Variants in ZBED6 observed in about 807,000 individuals in gnomAD.
ZBED6 encodes zinc finger BED-type containing 6.
ZBED6 carries 40 observed loss-of-function variants against 58.4 expected under a neutral mutation model. The ratio of observed to expected loss-of-function variants is 0.68; its 90% CI spans 0.53 to 0.89. The LOEUF (loss-of-function observed/expected upper bound fraction) is 0.89. ZBED6 is among the 40% of genes least tolerant of loss of function. The pLI, the probability that ZBED6 is intolerant of heterozygous loss-of-function variation, is 0.00. For missense variants in ZBED6, 1,057 were observed against 1,003.9 expected, an observed-to-expected ratio of 1.05 and a Z score of -0.71; for synonymous variants, 439 against 350.6, an observed-to-expected ratio of 1.25 and a Z score of -2.82.
At chr1:203,833,805 G>A in exon 9 of ZBED6, 1 of 1,608,062 alleles carries the variant, frequency 6.2e-7, no homozygotes. Flanking sequence ...AGAACCCTTG[G>A]TTAGATTGAG....
At chr1:203,841,306 T>C (rs1440006673) in intron 11 of ZBED6, among the ~76,000 whole-genome samples, 1 of 152,140 alleles carries the variant, frequency 6.6e-6, no homozygotes, top group Non-Finnish European at 1.5e-5. Flanking sequence ...CCTGCGGCCT[T>C]CTGCAGTGTT....
At chr1:203,819,638 G>A (rs576810596) in intron 3 of ZBED6, among the ~76,000 whole-genome samples, 2 of 148,340 alleles carry the variant, frequency 1.3e-5, no homozygotes, top group African/African-American at 2.5e-5. Context: ...TAGTTCAAGC[G>A]GTTCTCCTGC....
chr1:203,829,352 A>T, intron 4 of ZBED6, 99 bp from the exon 5 acceptor site: 1 of 1,212,422 alleles, frequency 8.2e-7, no homozygotes, highest in Middle Eastern at 1.9e-4. Context: ...AAATGCTCAT[A>T]AGACAAATAC....
intron 8 of ZBED6, among the ~76,000 whole-genome samples, chr1:203,833,385 C>CAAAAAA (rs1558128102): frequency 9.0e-5 from 11 of 122,102 alleles, no homozygotes; most frequent in African/African-American, 1.5e-4. Flanking sequence ...AAAAAAAAAA[C>CAAAAAA]ACCAGGTGTG....
At chr1:203,804,308 C>T (rs962039455) in intron 1 of ZBED6, among the ~76,000 whole-genome samples, 4 of 151,946 alleles carry the variant, frequency 2.6e-5, no homozygotes, top group Non-Finnish European at 4.4e-5. Context: ...CCCGCCACCT[C>T]GCCTGGCTAA....
intron 11 of ZBED6, among the ~76,000 whole-genome samples, chr1:203,846,170 G>T (rs1270708883): frequency 4.2e-5 from 6 of 141,296 alleles, no homozygotes; most frequent in African/African-American, 5.1e-5. Context: ...TGGGGGGGGG[G>T]TTCATTAAAA....
rs184682830 is a variant in ZBED6, at chr1:203,821,978, C to T, written c.*2873+3289C>T. ...TTCACCGTGTTAGCCAGGATGGTCT[C>T]GATCTGCTGACCTCGTGATCCGCCC... is the stretch of plus-strand genomic sequence containing the variant. On this transcript the variant is annotated intron_variant, in intron 3 of 16. Coordinates refer to ENST00000550078, the Ensembl canonical transcript of ZBED6. 3.3e-5 allele frequency among the ~76,000 whole-genome samples: 5 copies of T among 152,180 alleles called. No homozygotes were observed. In the East Asian group the frequency reaches 5.8e-4, roughly 18 times the overall value.
intron 11 of ZBED6, among the ~76,000 whole-genome samples, chr1:203,842,400 C>G (rs1455971318): frequency 6.6e-6 from 1 of 152,188 alleles, no homozygotes; most frequent in Non-Finnish European, 1.5e-5. Flanking sequence ...AGCTGGAGAC[C>G]AGCCCGGCCA....
At chr1:203,815,320 T>C (rs761537140) in intron 1 of ZBED6, among the ~76,000 whole-genome samples, 5 of 144,838 alleles carry the variant, frequency 3.5e-5, no homozygotes, top group Admixed American at 7.3e-5. Context: ...GTTCAAGTGA[T>C]TCTTGTGCCT....
intron 1 of ZBED6, among the ~76,000 whole-genome samples, chr1:203,812,578 A>ATTTTTTTTTTT (rs386369376): frequency 9.1e-6 from 1 of 109,316 alleles, no homozygotes; most frequent in African/African-American, 3.7e-5. Context: ...GCCATTCTAA[A>ATTTTTTTTTTT]TTTTTTTTTT....
chr1:203,828,254 G>A (rs986772254), intron 3 of ZBED6, 45 bp from the exon 4 acceptor site: 11 of 1,610,930 alleles, frequency 6.8e-6, no homozygotes, highest in South Asian at 3.3e-5. Flanking sequence ...ATGAATATAC[G>A]TATCACTGTT....
chr1:203,818,725 C>A (rs376658488), intron 3 of ZBED6, 36 bp downstream of exon 3: 1 of 1,613,038 alleles, frequency 6.2e-7, no homozygotes, highest in African/African-American at 1.3e-5. Flanking sequence ...AATAAGTAGT[C>A]TGGAGACCTG....
intron 14 of ZBED6, 35 bp from the exon 15 acceptor site, chr1:203,850,480 C>T: frequency 6.2e-7 from 1 of 1,612,676 alleles, no homozygotes; most frequent in African/African-American, 1.3e-5. Flanking sequence ...AGAGTCTATT[C>T]TCACTGCTTA....
chr1:203,814,862 ACT>A (rs1457160421), intron 1 of ZBED6: 1 of 152,024 alleles, frequency 6.6e-6, no homozygotes, highest in East Asian at 1.9e-4. Context: ...ATAGAGTCTC[ACT>A]CTGTTGTCCA....
chr1:203,805,832 C>T (rs1164099783), intron 1 of ZBED6: 6 of 901,732 alleles, frequency 6.7e-6, no homozygotes, highest in Admixed American at 5.3e-5. Flanking sequence ...CGACTCAGTG[C>T]TTCTTGGATT....
chr1:203,826,293 C>G (rs1224188292), intron 3 of ZBED6, among the ~76,000 whole-genome samples: 1 of 150,836 alleles, frequency 6.6e-6, no homozygotes, highest in Non-Finnish European at 1.5e-5. Flanking sequence ...GGTAGTGTGC[C>G]CACAGTAGCC....
intron 15 of ZBED6, 34 bp from the exon 16 acceptor site, chr1:203,851,023 C>A (rs778528722): frequency 1.2e-6 from 2 of 1,609,172 alleles, no homozygotes; most frequent in Non-Finnish European, 1.7e-6. Flanking sequence ...AAAAGCCTGA[C>A]TCTCACTGAA....
chr1:203,839,864 C>T lies in ZBED6; in HGVS notation c.*3673-442C>T, dbSNP rs115572274. Among the ~76,000 whole-genome samples the T allele has an allele frequency of 8.1e-4, 124 of 152,156 alleles. 1 individual carries two copies. Among genetic ancestry groups the T allele is most frequent in the Admixed American group, 2.0e-3 (30 of 15,286 alleles). On this transcript the variant is annotated intron_variant, in intron 10 of 16. Coordinates refer to ENST00000550078, the Ensembl canonical transcript of ZBED6. ...TGTCACCCAGACTGGAGTGCAGTAGCGCTATCTCAGCTCACCCCAACCTCC... is the reference window on the plus strand; with the variant it reads ...TGTCACCCAGACTGGAGTGCAGTAGTGCTATCTCAGCTCACCCCAACCTCC...
chr1:203,810,041 A>G (rs186692103), intron 1 of ZBED6, among the ~76,000 whole-genome samples: 1 of 152,142 alleles, frequency 6.6e-6, no homozygotes, highest in Admixed American at 6.5e-5. Flanking sequence ...TAAGAAATTT[A>G]TGGATGTGCA....
Sources: gnomAD v4.1 joint callset for allele counts (sites outside exome capture counted in the v4.1 genomes callset) on GRCh38, gnomAD v4.1.1 for gene constraint, MANE v1.5 for transcripts, NCBI Gene and HGNC (gene_info 2026-07-23, HGNC 2026-07-21) for gene names.